LCA5: variants seen among roughly 807,000 people sequenced by gnomAD.
The protein encoded by LCA5 is lebercilin.
Under a neutral mutation model 53.0 loss-of-function variants are expected in LCA5, and 37 were observed. The ratio of observed to expected loss-of-function variants is 0.70; its 90% CI spans 0.54 to 0.92. LCA5 has a LOEUF of 0.92. Ranked by LOEUF, LCA5 falls within the 40% of genes least tolerant of loss-of-function variation. The pLI is 0.00. For missense variants in LCA5, 806 were observed against 790.5 expected, an observed-to-expected ratio of 1.02 and a Z score of -0.23; for synonymous variants, 303 against 282.9, an observed-to-expected ratio of 1.07 and a Z score of -0.71.
At chr6:79,502,748 A>G (rs989883770) in intron 3 of LCA5, among the ~76,000 whole-genome samples, 3 of 152,236 alleles carry the variant, frequency 2.0e-5, no homozygotes, top group Non-Finnish European at 2.9e-5. Flanking sequence ...CCTATTACTC[A>G]GCATTTAAAT....
rs142085886 is a variant in LCA5, at chr6:79,507,014, T to C, written c.720+6198A>G. 7.9e-5 allele frequency among the ~76,000 whole-genome samples: 12 copies of C among 152,308 alleles called. No homozygotes were observed. The East Asian group carries it at 1.5e-3, about 20-fold the overall frequency. Reference sequence around the variant, plus strand: ...CAACTAACCATTAAGAAATCACTTGTTAAGCTTTAGCATAATACCAAAAAA... The same window carrying C: ...CAACTAACCATTAAGAAATCACTTGCTAAGCTTTAGCATAATACCAAAAAA... On this transcript the variant is annotated intron_variant, in intron 3 of 7. Coordinates refer to ENST00000369846, the MANE Select transcript of LCA5 (RefSeq NM_001122769.3).
rs1225482433 is a variant in LCA5, at chr6:79,513,206, T to C, written c.720+6A>G. On this transcript the variant is annotated splice_donor_region_variant and intron_variant, in intron 3 of 7. Coordinates refer to ENST00000369846, the MANE Select transcript of LCA5 (RefSeq NM_001122769.3). ...AAAGTACAATTAGAAGCTGTAGAAA[T>C]TGTACCTTAATTCTTCTCTCGGTGT... The C allele has an allele frequency of 1.9e-6, 3 of 1,611,652 alleles. No individual in the cohort carries two copies. The highest frequency in any genetic ancestry group is 2.2e-5 in the East Asian group (1 of 44,820).
In LCA5 at chr6:79,513,530, T is replaced by C. The variant is rs1766318490; in HGVS notation, c.402A>G (p.Lys134=). ...VKLAELLKEN[K]SLKRLQYRQE... Reference sequence around the variant, plus strand: ...GTCTGTACTGAAGCCTTTTCAAAGATTTATTTTCTTTTAGCAGCTCAGCTA... The same window carrying C: ...GTCTGTACTGAAGCCTTTTCAAAGACTTATTTTCTTTTAGCAGCTCAGCTA... The change falls in exon 3 of 8, where the codon AAA becomes AAG. Residue 134 remains lysine, a synonymous_variant. Coordinates refer to ENST00000369846, the MANE Select transcript of LCA5 (RefSeq NM_001122769.3). 11 of 1,613,958 alleles carry C rather than the reference T, an allele frequency of 6.8e-6. No individual in the cohort carries two copies. Among genetic ancestry groups the C allele is most frequent in the Non-Finnish European group, 9.3e-6 (11 of 1,179,872 alleles).
intron 3 of LCA5, among the ~76,000 whole-genome samples, chr6:79,499,615 A>G (rs1193357732): frequency 6.6e-6 from 1 of 151,178 alleles, no homozygotes; most frequent in African/African-American, 2.4e-5. Context: ...ATAAGGAAGA[A>G]AATGCAAATA....
chr6:79,510,735 A>G (rs1770389444), intron 3 of LCA5, among the ~76,000 whole-genome samples: 1 of 152,212 alleles, frequency 6.6e-6, no homozygotes, highest in Non-Finnish European at 1.5e-5. Context: ...TTCTCCAAAA[A>G]TAGATAAAGC....
chr6:79,496,679 G>A (rs1769991576), intron 3 of LCA5, among the ~76,000 whole-genome samples: 1 of 152,096 alleles, frequency 6.6e-6, no homozygotes, highest in African/African-American at 2.4e-5. Flanking sequence ...GGCAGGGATT[G>A]ATAAAAGGGG....
chr6:79,488,396 C>G (rs1236810961), intron 7 of LCA5: 1 of 154,152 alleles, frequency 6.5e-6, no homozygotes, highest in Non-Finnish European at 1.4e-5. Flanking sequence ...CCTTCCCTCT[C>G]TCTCTCTCTA....
In LCA5 at chr6:79,493,599, T is replaced by C. The variant is rs1453908909; in HGVS notation, c.858+14A>G. On this transcript the variant is annotated intron_variant, in intron 4 of 7. Transcript: ENST00000369846. ...ATACACATTATGGAAAACAATGCAA[T>C]TTAAAATACTTACCTTTAATTTGTG... 1 of 1,606,724 alleles carries C rather than the reference T, an allele frequency of 6.2e-7. No individual in the cohort carries two copies. The highest frequency in any genetic ancestry group is 8.5e-7 in the Non-Finnish European group (1 of 1,173,724).
At position 79,519,019 on chromosome 6, in the gene LCA5, T is replaced by C. The variant is rs1258585451; in HGVS notation, c.-125A>G. ...TGATAATATTCATTTCTGTGCAATCTATTTTCTCCACAATGTATTTGTAGA... is the reference window on the plus strand; with the variant it reads ...TGATAATATTCATTTCTGTGCAATCCATTTTCTCCACAATGTATTTGTAGA... On this transcript the variant is annotated 5_prime_UTR_variant, in exon 2 of 8. In the 5' UTR this introduces an upstream ATG that the reference lacks. Transcript: ENST00000369846. 8.1e-6 allele frequency: 8 copies of C among 988,706 alleles called. No individual in the cohort carries two copies. The highest frequency in any genetic ancestry group is 5.2e-5 in the Admixed American group (3 of 58,070). The allele number at this position is 988,706 out of a possible 1,614,324, so 61.2% of individuals were successfully genotyped here. A position where few individuals can be genotyped will look rare whatever the true frequency, so the allele number is the denominator to read the frequency against.
At chr6:79,497,724 T>G (rs987370506) in intron 3 of LCA5, among the ~76,000 whole-genome samples, 1 of 152,094 alleles carries the variant, frequency 6.6e-6, no homozygotes, top group African/African-American at 2.4e-5. Flanking sequence ...ATGCCTGTAA[T>G]CCCACTTTGG....
At chr6:79,490,309 G>A (rs1165889161) in intron 6 of LCA5, among the ~76,000 whole-genome samples, 1 of 151,022 alleles carries the variant, frequency 6.6e-6, no homozygotes. Context: ...AAAAGAAAAA[G>A]AAAAAAAAAT....
intron 3 of LCA5, among the ~76,000 whole-genome samples, chr6:79,495,148 C>A (rs1769945546): frequency 6.6e-6 from 1 of 152,172 alleles, no homozygotes; most frequent in South Asian, 2.1e-4. Context: ...GGAGTACAAA[C>A]CCTATTGTGA....
intron 1 of LCA5, among the ~76,000 whole-genome samples, chr6:79,535,820 G>A (rs1767098724): frequency 6.6e-6 from 1 of 152,102 alleles, no homozygotes; most frequent in Non-Finnish European, 1.5e-5. Context: ...AATAGAAGAC[G>A]GAAGACTGAA....
At chr6:79,538,441 A>G (rs1474010466), upstream of LCA5, among the ~76,000 whole-genome samples, 1 of 152,114 alleles carries the variant, frequency 6.6e-6, no homozygotes, top group African/African-American at 2.4e-5. Flanking sequence ...AGACTAACCC[A>G]CCCAAACAAT....
chr6:79,521,111 T>TA (rs1215944936), intron 1 of LCA5, among the ~76,000 whole-genome samples: 3 of 152,128 alleles, frequency 2.0e-5, no homozygotes, highest in Non-Finnish European at 4.4e-5. Flanking sequence ...TAATTAATTT[T>TA]AATTTAAGAA....
At position 79,490,089 on chromosome 6, in the gene LCA5, A is replaced by C. The variant is rs1330345176; in HGVS notation, c.1099-873T>G. On this transcript the variant is annotated intron_variant, in intron 6 of 7. Coordinates refer to ENST00000369846, the MANE Select transcript of LCA5 (RefSeq NM_001122769.3). ...ACAGGGGGTGACTACCATGAAACAA[A>C]GCTGTCTACCAACTGTGAACTACCA... 3.9e-5 allele frequency among the ~76,000 whole-genome samples: 6 copies of C among 152,116 alleles called. No individual in the cohort carries two copies. In the East Asian group the frequency reaches 1.2e-3, roughly 29 times the overall value.
At position 79,489,160 on chromosome 6, in the gene LCA5, A is replaced by G; in HGVS notation, c.1155T>C (p.Ile385=). ...TAACAAATTTTTCTTCTCTTTCCAT[A>G]ATTGGGTTTAGAATCCCTGCTTCTC... is the stretch of plus-strand genomic sequence containing the variant. ...RHGEAGILNP[I]MEREEKFVTD... is the part of the protein sequence containing the mutation. The change falls in exon 7 of 8, where the codon ATT becomes ATC. Residue 385 remains isoleucine, a synonymous_variant. Transcript: ENST00000369846. 6.2e-7 allele frequency: 1 copy of G among 1,612,856 alleles called. No individual in the cohort carries two copies. The highest frequency in any genetic ancestry group is 8.5e-7 in the Non-Finnish European group (1 of 1,179,628).
intron 1 of LCA5, among the ~76,000 whole-genome samples, chr6:79,529,086 A>C (rs982971950): frequency 3.9e-5 from 6 of 152,204 alleles, no homozygotes; most frequent in Non-Finnish European, 7.3e-5. Context: ...TCTTAACAGC[A>C]GTGGGATGTT....
chr6:79,521,104 T>C (rs1236668616), intron 1 of LCA5, among the ~76,000 whole-genome samples: 1 of 152,086 alleles, frequency 6.6e-6, no homozygotes, highest in Non-Finnish European at 1.5e-5. Context: ...TTAATTTTAA[T>C]TAATTTTAAT....
Sources: gnomAD v4.1 joint callset for allele counts (sites outside exome capture counted in the v4.1 genomes callset) on GRCh38, gnomAD v4.1.1 for gene constraint, MANE v1.5 for transcripts, NCBI Gene and HGNC (gene_info 2026-07-23, HGNC 2026-07-21) for gene names.